ZNF736: variants seen among roughly 807,000 people sequenced by gnomAD.
ZNF736 encodes KRAB-containing zinc-finger repressor protein.
A neutral mutation model predicts 11.7 loss-of-function variants in ZNF736; 6 were observed. That is an observed-to-expected ratio of 0.51 (90% CI 0.28 to 1.01). ZNF736 has a LOEUF of 1.01. ZNF736 is among the 50% of genes least tolerant of loss of function. The pLI, the probability that ZNF736 is intolerant of heterozygous loss-of-function variation, is 0.09. For synonymous variants in ZNF736, 139 were observed against 164.7 expected (o/e 0.84, Z 1.19); for missense variants, 444 against 496.0 (o/e 0.90, Z 1.00).
intron 2 of ZNF736, 122 bp downstream of exon 2, chr7:64,336,507 T>G: frequency 9.4e-7 from 1 of 1,065,392 alleles, no homozygotes. Context: ...AAGAAAAAAT[T>G]GGGTATCTGT....
At chr7:64,328,833 A>G (rs1317930936) in intron 1 of ZNF736, among the ~76,000 whole-genome samples, 1 of 152,144 alleles carries the variant, frequency 6.6e-6, no homozygotes, top group Non-Finnish European at 1.5e-5. Flanking sequence ...GTACTTGAAT[A>G]TTAATACTTT....
chr7:64,356,533 A>G lies in ZNF736; in HGVS notation c.*7386A>G, dbSNP rs1204565247. ...AAATTTTTTTAAGATTGAGGATAAT[A>G]TGTAAAATAATTTATACAAGTAATA... is the stretch of plus-strand genomic sequence containing the variant. On this transcript the variant is annotated 3_prime_UTR_variant, in exon 4 of 4. Coordinates refer to ENST00000423484, the MANE Select transcript of ZNF736 (RefSeq NM_001170905.3). Among the ~76,000 whole-genome samples, 1 of 152,188 alleles carries G rather than the reference A, an allele frequency of 6.6e-6. No individual in the cohort carries two copies. The highest frequency in any genetic ancestry group is 6.5e-5 in the Admixed American group (1 of 15,286).
intron 1 of ZNF736, among the ~76,000 whole-genome samples, chr7:64,320,553 G>C (rs1379558832): frequency 6.6e-6 from 1 of 152,054 alleles, no homozygotes; most frequent in Non-Finnish European, 1.5e-5. Context: ...ATCTCAGCTA[G>C]AATGCTGTTT....
chr7:64,342,416 T>G (rs1789352438), intron 3 of ZNF736, among the ~76,000 whole-genome samples: 1 of 152,128 alleles, frequency 6.6e-6, no homozygotes, highest in Non-Finnish European at 1.5e-5. Context: ...GAACTAAACT[T>G]AGAAATTTAA....
chr7:64,326,949 T>A (rs1197698530), intron 1 of ZNF736, among the ~76,000 whole-genome samples: 1 of 152,190 alleles, frequency 6.6e-6, no homozygotes, highest in Non-Finnish European at 1.5e-5. Context: ...TTTTAAGAGT[T>A]ATTTTGTGAC....
In ZNF736 at chr7:64,350,255, C is replaced by G. The variant is rs1406101862; in HGVS notation, c.*1108C>G. ...TTTCTTAGAGGTTTTGTTCATTCCTCTTTATTCTTTTTTCACTGTTCTTGT... is the reference window on the plus strand; with the variant it reads ...TTTCTTAGAGGTTTTGTTCATTCCTGTTTATTCTTTTTTCACTGTTCTTGT... On this transcript the variant is annotated 3_prime_UTR_variant, in exon 4 of 4. Coordinates refer to ENST00000423484, the MANE Select transcript of ZNF736 (RefSeq NM_001170905.3). 1 of 152,158 alleles carries G rather than the reference C, an allele frequency of 6.6e-6. No homozygotes were observed. The highest frequency in any genetic ancestry group is 2.4e-5 in the African/African-American group (1 of 41,448). The allele number at this position is 152,158 out of a possible 1,614,324, so 9.4% of individuals were successfully genotyped here. A position where few individuals can be genotyped will look rare whatever the true frequency, so the allele number is the denominator to read the frequency against.
At chr7:64,319,313 GTATGTGTGTGTGTGTATGTGTATATA>G (rs1562666615) in intron 1 of ZNF736, among the ~76,000 whole-genome samples, 71 of 96,618 alleles carry the variant, frequency 7.3e-4, no homozygotes, top group African/African-American at 2.7e-3. Flanking sequence ...GTGTGTATAT[GTATGTGTGTGTGTGTATGTGTATATA>G]TATATATATA....
rs1178419931 is a variant in ZNF736, at chr7:64,348,335, T to C, written c.472T>C (p.Ser158Pro). The C allele has an allele frequency of 9.0e-6, 14 of 1,551,508 alleles. No individual in the cohort carries two copies. Among genetic ancestry groups the C allele is most frequent in the Admixed American group, 7.8e-5 (4 of 50,974 alleles). The change falls in exon 4 of 4, where the codon TCA (serine) becomes CCA (proline). Residue 158 changes from serine to proline, a missense_variant. By Grantham distance (74) the Ser-to-Pro change is moderately conservative (BLOSUM62 -1). Coordinates refer to ENST00000423484, the MANE Select transcript of ZNF736 (RefSeq NM_001170905.3). Reference sequence around the variant, plus strand: ...ATGTGGCAGAGGTTTTCAGTTGTGCTCAATCTTCACTGAACATAAAGACAT... The same window carrying C: ...ATGTGGCAGAGGTTTTCAGTTGTGCCCAATCTTCACTGAACATAAAGACAT... ...NKCGRGFQLCSIFTEHKDIFS... is the reference protein window; with the variant it reads ...NKCGRGFQLCPIFTEHKDIFS...
At chr7:64,339,214 AT>A (rs1427335864) in intron 3 of ZNF736, among the ~76,000 whole-genome samples, 1 of 152,036 alleles carries the variant, frequency 6.6e-6, no homozygotes, top group African/African-American at 2.4e-5. Context: ...TTTCTTATAT[AT>A]TTTTGATACT....
rs1381638647 is a variant in ZNF736, at chr7:64,346,554, G to A, written c.227-1536G>A. 2.7e-5 allele frequency among the ~76,000 whole-genome samples: 4 copies of A among 150,860 alleles called. No homozygotes were observed. In the South Asian group the frequency reaches 6.3e-4, roughly 24 times the overall value. On this transcript the variant is annotated intron_variant, in intron 3 of 3. Transcript: ENST00000423484. ...AAGATTTATGTTCTTAAATTTACTCGTAATCTTGCAGAAGCATGCATATAA... is the reference window on the plus strand; with the variant it reads ...AAGATTTATGTTCTTAAATTTACTCATAATCTTGCAGAAGCATGCATATAA...
chr7:64,350,805 G>C lies in ZNF736; in HGVS notation c.*1658G>C, dbSNP rs201972266. On this transcript the variant is annotated 3_prime_UTR_variant, in exon 4 of 4. Coordinates refer to ENST00000423484, the MANE Select transcript of ZNF736 (RefSeq NM_001170905.3). ...TTTGTTTTGTTTTGTTTTGTTTGGT[G>C]GTGGTGGTGGGTGGGCAATGCTCAG... 1.3e-5 allele frequency: 1 copy of C among 75,168 alleles called. No individual in the cohort carries two copies. The highest frequency in any genetic ancestry group is 2.7e-4 in the East Asian group (1 of 3,648). The allele number at this position is 75,168 out of a possible 1,614,324, so 4.7% of individuals were successfully genotyped here. A position where few individuals can be genotyped will look rare whatever the true frequency, so the allele number is the denominator to read the frequency against.
At chr7:64,338,554 T>G (rs1331247946) in intron 3 of ZNF736, among the ~76,000 whole-genome samples, 1 of 152,160 alleles carries the variant, frequency 6.6e-6, no homozygotes, top group Non-Finnish European at 1.5e-5. Context: ...CTTCTAGGAG[T>G]CCAACCTTAT....
chr7:64,329,720 C>T (rs978856368), intron 1 of ZNF736, among the ~76,000 whole-genome samples: 2 of 152,172 alleles, frequency 1.3e-5, no homozygotes, highest in African/African-American at 2.4e-5. Context: ...CCAAAGCCAG[C>T]ACAGGACTGG....
intron 1 of ZNF736, among the ~76,000 whole-genome samples, chr7:64,333,749 C>G (rs1364349242): frequency 6.6e-6 from 1 of 152,042 alleles, no homozygotes; most frequent in Non-Finnish European, 1.5e-5. Flanking sequence ...GATGCTATTC[C>G]CATCAGGCTA....
At chr7:64,341,421 C>T (rs114051608) in intron 3 of ZNF736, among the ~76,000 whole-genome samples, 262 of 152,048 alleles carry the variant, frequency 1.7e-3, no homozygotes, top group African/African-American at 5.7e-3. Flanking sequence ...CAATGAGCCA[C>T]GCTATAGATT....
At position 64,314,156 on chromosome 7, in the gene ZNF736, G is replaced by T; in HGVS notation, c.3+3G>T. 6.4e-7 allele frequency: 1 copy of T among 1,552,104 alleles called. No individual in the cohort carries two copies. Among genetic ancestry groups the T allele is most frequent in the East Asian group, 2.4e-5 (1 of 40,938 alleles). On this transcript the variant is annotated splice_donor_region_variant and intron_variant, in intron 1 of 3. Transcript: ENST00000423484. ...GAACATCTGGAGGCTGGGAAATGGTGAGTGCGTGGAGTGGGTGTCCCGAGA... is the reference window on the plus strand; with the variant it reads ...GAACATCTGGAGGCTGGGAAATGGTTAGTGCGTGGAGTGGGTGTCCCGAGA...
intron 3 of ZNF736, among the ~76,000 whole-genome samples, chr7:64,346,953 C>T (rs1241887066): frequency 6.6e-6 from 1 of 150,692 alleles, no homozygotes; most frequent in Non-Finnish European, 1.5e-5. Flanking sequence ...AATTGTCTCA[C>T]ATAATTTTTA....
chr7:64,338,215 G>A (rs1789287297), intron 3 of ZNF736, among the ~76,000 whole-genome samples: 1 of 152,020 alleles, frequency 6.6e-6, no homozygotes, highest in South Asian at 2.1e-4. Context: ...TCCCAGTAAG[G>A]CGAATTTTTT....
At chr7:64,342,582 T>C (rs1789354004) in intron 3 of ZNF736, among the ~76,000 whole-genome samples, 1 of 152,108 alleles carries the variant, frequency 6.6e-6, no homozygotes, top group South Asian at 2.1e-4. Flanking sequence ...TCTTAATAAC[T>C]ATTATTTTAT....
Sources: allele counts gnomAD v4.1 joint callset (sites outside exome capture counted in the v4.1 genomes callset), GRCh38; gene constraint gnomAD v4.1.1; transcripts MANE v1.5; gene names NCBI Gene and HGNC (gene_info 2026-07-23, HGNC 2026-07-21).